Variants in ZFP64 observed in about 807,000 individuals in gnomAD.
The protein encoded by ZFP64 is zinc finger protein 64.
ZFP64 carries 14 observed loss-of-function variants against 51.6 expected under a neutral mutation model. The observed-to-expected ratio is 0.27, with a 90% CI of 0.18 to 0.42. The LOEUF (loss-of-function observed/expected upper bound fraction) is 0.42. Ranked by LOEUF, ZFP64 falls within the 10% of genes least tolerant of loss-of-function variation. The pLI is 1.00. For missense variants in ZFP64, 754 were observed against 906.8 expected (o/e 0.83, Z 2.16); for synonymous variants, 375 against 361.4 (o/e 1.04, Z -0.43).
chr20:52,140,115 G>T (rs1457854160), intron 5 of ZFP64, among the ~76,000 whole-genome samples: 4 of 152,070 alleles, frequency 2.6e-5, no homozygotes, highest in African/African-American at 9.7e-5. Context: ...TGTAGTGTGT[G>T]TTCTGACTGC....
intron 5 of ZFP64, among the ~76,000 whole-genome samples, chr20:52,106,803 A>C (rs1025227747): frequency 4.6e-5 from 7 of 152,196 alleles, no homozygotes; most frequent in African/African-American, 1.7e-4. Context: ...ACATTTGAAA[A>C]TATATACACG....
rs758307647 is a variant in ZFP64, at chr20:52,164,763, A to T, written c.449-6T>A. On this transcript the variant is annotated splice_region_variant and splice_polypyrimidine_tract_variant and intron_variant, in intron 3 of 5. Coordinates refer to ENST00000216923, the MANE Select transcript of ZFP64 (RefSeq NM_018197.3). ...AGCAGTCTTGAATTGGCAACCTAAAAAAAAAAAGGAAAGATTAATTACAAA... is the reference window on the plus strand; with the variant it reads ...AGCAGTCTTGAATTGGCAACCTAAATAAAAAAAGGAAAGATTAATTACAAA... 3.7e-6 allele frequency: 6 copies of T among 1,612,934 alleles called. No homozygotes were observed. Among genetic ancestry groups the T allele is most frequent in the South Asian group, 1.1e-5 (1 of 91,032 alleles).
rs556869134 is a variant in ZFP64 at position 52,097,300 on chromosome 20, T to G, written c.976+73A>C. On this transcript the variant is annotated intron_variant, in intron 7 of 8. Transcript: ENST00000361387. ...AGGCAGAGACTGTCCTGTTCATTAC[T>G]GTGTCCCTAGCGCTTAATTCACATT... 3.3e-6 allele frequency: 5 copies of G among 1,522,264 alleles called. No homozygotes were observed. In the South Asian group the frequency reaches 5.7e-5, roughly 17 times the overall value. 94.3% of individuals were successfully genotyped at this position (1,522,264 alleles called of 1,614,324 possible).
At chr20:52,088,002 A>T (rs1023426331) in intron 8 of ZFP64, among the ~76,000 whole-genome samples, 9 of 152,314 alleles carry the variant, frequency 5.9e-5, no homozygotes, top group East Asian at 3.9e-4. Context: ...GGAAGTTCCT[A>T]AGATTAAAAG....
intron 5 of ZFP64, among the ~76,000 whole-genome samples, chr20:52,130,975 A>T (rs1979695656): frequency 6.6e-6 from 1 of 152,062 alleles, no homozygotes; most frequent in African/African-American, 2.4e-5. Context: ...CTGAAGCAGG[A>T]GTATGGCGTG....
intron 7 of ZFP64, among the ~76,000 whole-genome samples, chr20:52,092,079 C>G (rs1285452099): frequency 1.3e-5 from 2 of 152,140 alleles, no homozygotes; most frequent in African/African-American, 4.8e-5. Flanking sequence ...ATGCTGAAAT[C>G]AAGTGCACAG....
At chr20:52,106,580 C>G (rs1163333654) in intron 5 of ZFP64, among the ~76,000 whole-genome samples, 6 of 152,128 alleles carry the variant, frequency 3.9e-5, no homozygotes, top group African/African-American at 1.4e-4. Flanking sequence ...CCTGCGAGAA[C>G]GGCATTTTTG....
chr20:52,187,554 A>G (rs2123135701), intron 1 of ZFP64, among the ~76,000 whole-genome samples: 1 of 152,112 alleles, frequency 6.6e-6, no homozygotes, highest in Non-Finnish European at 1.5e-5. Flanking sequence ...CCCAGCAGGC[A>G]GAGGTTGCAG....
chr20:52,162,742 A>C (rs1044704713), intron 4 of ZFP64, among the ~76,000 whole-genome samples: 2 of 152,202 alleles, frequency 1.3e-5, no homozygotes, highest in African/African-American at 4.8e-5. Context: ...TCCTGCGGTC[A>C]CTACACTGTG....
chr20:52,149,375 G>A (rs982223301), downstream of ZFP64, among the ~76,000 whole-genome samples: 1 of 151,620 alleles, frequency 6.6e-6, no homozygotes, highest in Non-Finnish European at 1.5e-5. Context: ...GCAAGATGAC[G>A]GACTAAAGCC....
At chr20:52,180,119 G>A (rs576780283) in intron 2 of ZFP64, among the ~76,000 whole-genome samples, 38 of 152,314 alleles carry the variant, frequency 2.5e-4, no homozygotes, top group African/African-American at 7.5e-4. Flanking sequence ...GAACAACTGT[G>A]TATGTTCAAC....
At chr20:52,133,846 T>C (rs1301928953) in intron 5 of ZFP64, among the ~76,000 whole-genome samples, 1 of 151,746 alleles carries the variant, frequency 6.6e-6, no homozygotes, top group African/African-American at 2.4e-5. Flanking sequence ...CTGGGCAACA[T>C]TGTAAGACCC....
chr20:52,088,969 A>G (rs748100853), intron 7 of ZFP64: 1 of 543,056 alleles, frequency 1.8e-6, no homozygotes, highest in East Asian at 4.9e-5. Flanking sequence ...GGGCAGCTTC[A>G]TGAACCACAT....
At chr20:52,137,714 A>G (rs1358457857) in intron 5 of ZFP64, among the ~76,000 whole-genome samples, 4 of 152,210 alleles carry the variant, frequency 2.6e-5, no homozygotes, top group South Asian at 2.1e-4. Context: ...AAATAAACTT[A>G]TAAGTCATCT....
chr20:52,175,636 G>A (rs1983130297), intron 2 of ZFP64, among the ~76,000 whole-genome samples: 2 of 152,168 alleles, frequency 1.3e-5, no homozygotes, highest in South Asian at 4.1e-4. Context: ...CTTGAGGCCA[G>A]GAGTTTGAGA....
downstream of ZFP64, among the ~76,000 whole-genome samples, chr20:52,150,035 C>A (rs1277904886): frequency 4.6e-5 from 7 of 151,944 alleles, no homozygotes; most frequent in East Asian, 1.4e-3. Flanking sequence ...GAAACCCTGT[C>A]TCTACTAAAA....
intron 5 of ZFP64, chr20:52,104,828 G>A: frequency 1.6e-6 from 1 of 623,776 alleles, no homozygotes; most frequent in South Asian, 1.5e-5. Context: ...CGCGCATCCC[G>A]AAAACAGCCT....
At chr20:52,089,267 G>T (rs141899049) in intron 7 of ZFP64, among the ~76,000 whole-genome samples, 1,808 of 152,154 alleles carry the variant, frequency 0.012, 32 homozygotes, top group African/African-American at 0.041. Context: ...AGAAAGACAC[G>T]CCCAAGTCAA....
intron 5 of ZFP64, among the ~76,000 whole-genome samples, chr20:52,125,879 T>C (rs962168241): frequency 6.6e-6 from 1 of 151,954 alleles, no homozygotes; most frequent in African/African-American, 2.4e-5. Flanking sequence ...CAACTTAACA[T>C]GGTTTTTTGT....
Sources: gnomAD v4.1 joint callset for allele counts (sites outside exome capture counted in the v4.1 genomes callset) on GRCh38, gnomAD v4.1.1 for gene constraint, MANE v1.5 for transcripts, NCBI Gene and HGNC (gene_info 2026-07-23, HGNC 2026-07-21) for gene names.